Variants in POFUT2 observed in about 807,000 individuals in gnomAD.
POFUT2 encodes protein O-fucosyltransferase 2.
In POFUT2, 30 loss-of-function variants were observed where a neutral mutation model predicts 55.0. The ratio of observed to expected loss-of-function variants is 0.55; its 90% confidence interval spans 0.41 to 0.74. POFUT2 has a LOEUF of 0.74. Among genes scored for constraint, POFUT2 ranks in the 30% least tolerant of loss-of-function variants. POFUT2 has a pLI of 0.00. For synonymous variants in POFUT2, 267 were observed against 231.1 expected (o/e 1.16, Z -1.41); for missense variants, 524 against 562.6 (o/e 0.93, Z 0.69).
chr21:45,277,474 C>T lies in POFUT2; in HGVS notation c.706-332G>A, dbSNP rs940594826. On this transcript the variant is annotated intron_variant, in intron 5 of 8. Coordinates refer to ENST00000349485, the MANE Select transcript of POFUT2 (RefSeq NM_133635.6). This position sits in a 1 kb window ranked among gnomAD's most constrained non-coding sequence, Gnocchi z 6.9. ...CCTTCCCCTCAGTCTCTCCCCAACT[C>T]GACTTCTAGCTTAGGCGGTTAGCAC... The T allele has an allele frequency of 3.3e-5, 11 of 336,520 alleles. No homozygotes were observed. The highest frequency in any genetic ancestry group is 6.0e-5 in the South Asian group (2 of 33,122). The allele number at this position is 336,520 out of a possible 1,614,324, so 20.8% of individuals were successfully genotyped here.
intron 2 of POFUT2, 136 bp from the exon 3 acceptor site, chr21:45,283,663 A>C: frequency 1.1e-6 from 1 of 876,370 alleles, no homozygotes; most frequent in Non-Finnish European, 1.8e-6. Context: ...AGGCTCACAA[A>C]AGCAGAGACA....
chr21:45,274,965 C>T (rs1002629824), intron 6 of POFUT2, among the ~76,000 whole-genome samples: 4 of 152,234 alleles, frequency 2.6e-5, no homozygotes, highest in South Asian at 2.1e-4. Context: ...AGCTTCTGCA[C>T]GGCAAAAGAA....
rs199690917 is a variant in POFUT2 at position 45,265,456 on chromosome 21, C to T, written c.*26G>A. The T allele has an allele frequency of 3.2e-5, 50 of 1,586,908 alleles. No individual in the cohort carries two copies. Among genetic ancestry groups the T allele is most frequent in the Non-Finnish European group, 3.8e-5 (44 of 1,167,094 alleles). On this transcript the variant is annotated 3_prime_UTR_variant, in exon 9 of 9. Transcript: ENST00000349485. The surrounding 1 kb of genome is among the most constrained non-coding windows in gnomAD (Gnocchi z 4.6). The stretch of plus-strand genomic sequence containing the variant: ...TGCATCCACCCGCGCCTGTCGGGTC[C>T]GGGGAGCGGCCCTGGAGGATCCTCC...
At chr21:45,273,404 A>C (rs1437276575) in intron 6 of POFUT2, among the ~76,000 whole-genome samples, 2 of 152,186 alleles carry the variant, frequency 1.3e-5, no homozygotes, top group African/African-American at 2.4e-5. Context: ...AATTGCCAAC[A>C]AAAAAAGTCC....
rs763980053 is a variant in POFUT2, at chr21:45,281,990, G to A, written c.638+359C>T. 3.6e-4 allele frequency among the ~76,000 whole-genome samples: 55 copies of A among 152,130 alleles called. No individual in the cohort carries two copies. Among genetic ancestry groups the A allele is most frequent in the Non-Finnish European group, 7.1e-4 (48 of 68,018 alleles). On this transcript the variant is annotated intron_variant, in intron 4 of 8. Transcript: ENST00000349485. The surrounding 1 kb of genome is among the most constrained non-coding windows in gnomAD (Gnocchi z 5.0). ...GATCAAACAGTGGGTGTTGGGTGTG[G>A]GGAGGGGGGAGGTACTGGTAAAAGC...
intron 6 of POFUT2, among the ~76,000 whole-genome samples, chr21:45,274,192 C>T (rs529459413): frequency 1.3e-5 from 2 of 152,060 alleles, no homozygotes; most frequent in Non-Finnish European, 2.9e-5. Context: ...GAGAATCAAA[C>T]CAAGAACTCA....
Position 45,265,231 on chromosome 21 carries a change from T to G in POFUT2, c.*251A>C. 1 of 383,810 alleles carries G rather than the reference T, an allele frequency of 2.6e-6. No homozygotes were observed. The highest frequency in any genetic ancestry group is 4.7e-6 in the Non-Finnish European group (1 of 213,960). The allele number at this position is 383,810 out of a possible 1,614,324, so 23.8% of individuals were successfully genotyped here. On this transcript the variant is annotated 3_prime_UTR_variant, in exon 9 of 9. Transcript: ENST00000349485. The surrounding 1 kb of genome is among the most constrained non-coding windows in gnomAD (Gnocchi z 4.6). ...GCACTGCTGGCAACCGAGCTGTGGG[T>G]TCACAGACGCTGCCTGAAAACAACC...
At position 45,267,634 on chromosome 21, in the gene POFUT2, G is replaced by A. The variant is rs376389566; in HGVS notation, c.1092C>T (p.Asp364=). The part of the protein sequence containing the change: ...PTWEELELYK[D]GGVAIIDQWI... The stretch of plus-strand genomic sequence containing the variant: ...ACTGGTCAATAATCGCAACGCCTCC[G>A]TCCTTGTAGAGCTCCAGCTCCTCCC... Residue 364 remains aspartate (D), a synonymous_variant, in exon 8 of 9, where the codon GAC becomes GAT. Transcript: ENST00000349485. This position sits in a 1 kb window ranked among gnomAD's most constrained non-coding sequence, Gnocchi z 4.4. 2.6e-5 allele frequency: 42 copies of A among 1,614,074 alleles called. No individual in the cohort carries two copies. The highest frequency in any genetic ancestry group is 3.3e-4 in the Middle Eastern group (2 of 6,084).
chr21:45,265,288 C>A lies in POFUT2; in HGVS notation c.*194G>T. ...CCCGAGAGCAGCGGAGCCTCTTCAT[C>A]AGCCATGGCGGCTGGCAACGCCGAG... On this transcript the variant is annotated 3_prime_UTR_variant, in exon 9 of 9. Coordinates refer to ENST00000349485, the MANE Select transcript of POFUT2 (RefSeq NM_133635.6). This position sits in a 1 kb window ranked among gnomAD's most constrained non-coding sequence, Gnocchi z 4.6. The A allele has an allele frequency of 2.3e-6, 1 of 438,810 alleles. No individual in the cohort carries two copies. The allele number at this position is 438,810 out of a possible 1,614,324, so 27.2% of individuals were successfully genotyped here. A position where few individuals can be genotyped will look rare whatever the true frequency, so the allele number is the denominator to read the frequency against.
rs2030802245 is a variant in POFUT2, at chr21:45,282,466, A to G, written c.528-7T>C. On this transcript the variant is annotated splice_region_variant and splice_polypyrimidine_tract_variant and intron_variant, in intron 3 of 8. Coordinates refer to ENST00000349485, the MANE Select transcript of POFUT2 (RefSeq NM_133635.6). The surrounding 1 kb of genome is among the most constrained non-coding windows in gnomAD (Gnocchi z 4.6). ...ATAACCCCAAAACCATCCTCTGGAA[A>G]ACAAAACCCACAGCAGCTCTATCAG... is the stretch of plus-strand genomic sequence containing the variant. The G allele has an allele frequency of 1.3e-6, 2 of 1,523,034 alleles. No individual in the cohort carries two copies. The highest frequency in any genetic ancestry group is 1.4e-5 in the African/African-American group (1 of 73,232). 94.3% of individuals were successfully genotyped at this position (1,523,034 alleles called of 1,614,324 possible).
chr21:45,268,047 A>G (rs1216148074), intron 7 of POFUT2, among the ~76,000 whole-genome samples: 2 of 152,140 alleles, frequency 1.3e-5, no homozygotes, highest in Non-Finnish European at 2.9e-5. Context: ...ATGCGGAGCC[A>G]AAGCTGGACT....
In POFUT2 at chr21:45,285,623, A is replaced by C; in HGVS notation, c.382+55T>G. ...CAACCTGATGTCTACCTTAGAAATG[A>C]CTGCCTGGCCCCAGTTAAGCAACCA... On this transcript the variant is annotated intron_variant, in intron 2 of 8. Coordinates refer to ENST00000349485, the MANE Select transcript of POFUT2 (RefSeq NM_133635.6). The surrounding 1 kb of genome is among the most constrained non-coding windows in gnomAD (Gnocchi z 4.9). 4 of 1,609,774 alleles carry C rather than the reference A, an allele frequency of 2.5e-6. No individual in the cohort carries two copies. The highest frequency in any genetic ancestry group is 3.4e-6 in the Non-Finnish European group (4 of 1,178,716).
At chr21:45,283,640 A>G (rs2031035772) in intron 2 of POFUT2, 113 bp from the exon 3 acceptor site, 1 of 1,091,298 alleles carries the variant, frequency 9.2e-7, no homozygotes. Flanking sequence ...CCTATTCCCA[A>G]AGGGAGTGTA....
chr21:45,283,887 C>T (rs1039265514), intron 2 of POFUT2, among the ~76,000 whole-genome samples: 5 of 152,216 alleles, frequency 3.3e-5, no homozygotes, highest in Admixed American at 1.3e-4. Flanking sequence ...GCTCGCCCTC[C>T]GGCCCTCTGT....
rs766924072 is a variant in POFUT2 at position 45,265,518 on chromosome 21, C to T, written c.1254G>A (p.Ala418=). 1.1e-5 allele frequency: 17 copies of T among 1,613,862 alleles called. No homozygotes were observed. The highest frequency in any genetic ancestry group is 4.5e-5 in the East Asian group (2 of 44,896). ...TCTTCCAGTGGGTGGGTTGCTCACA[C>T]GCCTTCTCTTGGTCTCCGCAGAACC... ...YNRFCGDQEK[A]CEQPTHWKIT... Residue 418 remains alanine, a synonymous_variant, in exon 9 of 9, where the codon GCG becomes GCA. Transcript: ENST00000349485. The surrounding 1 kb of genome is among the most constrained non-coding windows in gnomAD (Gnocchi z 4.6).
In POFUT2 at chr21:45,267,840, C is replaced by G. The variant is rs2093171074; in HGVS notation, c.1013-127G>C. The G allele has an allele frequency of 1.3e-6, 1 of 779,900 alleles. No individual in the cohort carries two copies. 48.3% of individuals were successfully genotyped at this position (779,900 alleles called of 1,614,324 possible). On this transcript the variant is annotated intron_variant, in intron 7 of 8. Transcript: ENST00000349485. The surrounding 1 kb of genome is among the most constrained non-coding windows in gnomAD (Gnocchi z 4.4). Reference sequence around the variant, plus strand: ...TCGTTAGGAACTGGCTCCAAAGGTGCAGACACACAACTCAGCTTTACCCTC... The same window carrying G: ...TCGTTAGGAACTGGCTCCAAAGGTGGAGACACACAACTCAGCTTTACCCTC...
chr21:45,276,604 T>C (rs1270703555), intron 6 of POFUT2, among the ~76,000 whole-genome samples: 2 of 152,246 alleles, frequency 1.3e-5, no homozygotes, highest in South Asian at 2.1e-4. Context: ...ACAGCACTGA[T>C]GGTGCTTTTG....
chr21:45,278,739 C>T (rs1312101818), intron 4 of POFUT2, among the ~76,000 whole-genome samples: 1 of 152,232 alleles, frequency 6.6e-6, no homozygotes, highest in Non-Finnish European at 1.5e-5. Context: ...GAAGCAGCGG[C>T]TGTGAAAGGT....
At chr21:45,286,993 AG>A (rs1365311009) in intron 1 of POFUT2, among the ~76,000 whole-genome samples, 1 of 152,080 alleles carries the variant, frequency 6.6e-6, no homozygotes, top group Non-Finnish European at 1.5e-5. Context: ...TGTCACTTGC[AG>A]GGGCCTCCGG....
Sources: gnomAD v4.1 joint callset for allele counts (sites outside exome capture counted in the v4.1 genomes callset) on GRCh38, gnomAD v4.1.1 for gene constraint, Gnocchi (gnomAD v3.1) non-coding constraint, MANE v1.5 for transcripts, NCBI Gene and HGNC (gene_info 2026-07-23, HGNC 2026-07-21) for gene names.